The following COL5A2 variants were observed in gnomAD, a reference collection of about 807,000 sequenced individuals.
COL5A2 encodes the protein collagen type V alpha 2 chain.
In COL5A2, 23 loss-of-function variants were observed where a neutral mutation model predicts 208.2. The observed-to-expected ratio is 0.11, with a 90% CI of 0.08 to 0.16. The LOEUF (loss-of-function observed/expected upper bound fraction) is 0.16. Among genes scored for constraint, COL5A2 ranks in the 10% least tolerant of loss-of-function variants. The pLI, the probability that COL5A2 is intolerant of heterozygous loss-of-function variation, is 1.00. For synonymous variants in COL5A2, 625 were observed against 628.5 expected, an observed-to-expected ratio of 0.99 and a Z score of 0.08; for missense variants, 1,590 against 1,956.4, an observed-to-expected ratio of 0.81 and a Z score of 3.53.
At chr2:189,266,936 C>T in the COL5A2 span, among the ~76,000 whole-genome samples, 2 of 151,130 alleles carry the variant, frequency 1.3e-5, no homozygotes, top group Non-Finnish European at 2.9e-5. Flanking sequence ...CATAAAATCT[C>T]TAAAAATATT....
chr2:189,402,769 A>G, the COL5A2 span, among the ~76,000 whole-genome samples: 2 of 149,128 alleles, frequency 1.3e-5, no homozygotes, highest in African/African-American at 5.0e-5. Context: ...TTCTTGTAGC[A>G]GTACCATGCT....
chr2:189,398,417 G>A, the COL5A2 span, among the ~76,000 whole-genome samples: 1 of 152,008 alleles, frequency 6.6e-6, no homozygotes, highest in African/African-American at 2.4e-5. Context: ...TACTGTCAAT[G>A]CTTGCTTTAT....
the COL5A2 span, among the ~76,000 whole-genome samples, chr2:189,420,766 A>T: frequency 6.6e-6 from 1 of 152,098 alleles, no homozygotes; most frequent in Non-Finnish European, 1.5e-5. Flanking sequence ...TCCTGTTCCC[A>T]TCCTCCATCA....
At chr2:189,167,589 A>G (rs974631077) in intron 1 of COL5A2, among the ~76,000 whole-genome samples, 3 of 152,184 alleles carry the variant, frequency 2.0e-5, no homozygotes, top group African/African-American at 7.2e-5. Context: ...AAAGCCACAA[A>G]TAAAAAACTT....
chr2:189,207,939 A>T (rs781747714), intron 1 of COL5A2, among the ~76,000 whole-genome samples: 8 of 152,114 alleles, frequency 5.3e-5, no homozygotes, highest in Non-Finnish European at 1.0e-4. Context: ...CTCAACTTTA[A>T]TTGTTAAAGT....
chr2:189,170,268 C>T (rs955534568), intron 1 of COL5A2, among the ~76,000 whole-genome samples: 2 of 152,010 alleles, frequency 1.3e-5, no homozygotes, highest in Non-Finnish European at 2.9e-5. Flanking sequence ...CTTGAGTGAA[C>T]GAATTGTGGA....
the COL5A2 span, among the ~76,000 whole-genome samples, chr2:189,405,858 T>C: frequency 4.6e-5 from 7 of 152,228 alleles, no homozygotes; most frequent in Non-Finnish European, 7.3e-5. Flanking sequence ...GTAAAACCCA[T>C]GTCAAGACTT....
chr2:189,063,384 C>A, intron 26 of COL5A2, 114 bp from the exon 27 acceptor site: 3 of 882,036 alleles, frequency 3.4e-6, no homozygotes, highest in Non-Finnish European at 5.5e-6. Context: ...AATTATCTTG[C>A]ATTTTCATGT....
At chr2:189,250,119 A>T in the COL5A2 span, among the ~76,000 whole-genome samples, 1 of 152,242 alleles carries the variant, frequency 6.6e-6, no homozygotes, top group Non-Finnish European at 1.5e-5. Context: ...ATATGATAAG[A>T]ATGAACAATA....
At chr2:189,254,781 G>C in the COL5A2 span, among the ~76,000 whole-genome samples, 1 of 152,200 alleles carries the variant, frequency 6.6e-6, no homozygotes, top group Non-Finnish European at 1.5e-5. Flanking sequence ...AGGCATGCCA[G>C]GAAAACTGTG....
chr2:189,355,300 T>C, the COL5A2 span, among the ~76,000 whole-genome samples: 1 of 152,196 alleles, frequency 6.6e-6, no homozygotes, highest in African/African-American at 2.4e-5. Context: ...TTAGTTCTGC[T>C]TGGTCCAGAG....
At chr2:189,407,671 A>G in the COL5A2 span, among the ~76,000 whole-genome samples, 3 of 152,166 alleles carry the variant, frequency 2.0e-5, no homozygotes, top group East Asian at 3.8e-4. Context: ...TCCTCTGTTC[A>G]TGAATCACCT....
At chr2:189,169,329 A>G (rs1688527762) in intron 1 of COL5A2, among the ~76,000 whole-genome samples, 1 of 152,176 alleles carries the variant, frequency 6.6e-6, no homozygotes, top group Admixed American at 6.5e-5. Flanking sequence ...AAGTAAATGT[A>G]TGTGGGGCTG....
the COL5A2 span, among the ~76,000 whole-genome samples, chr2:189,355,816 A>G: frequency 5.9e-5 from 9 of 152,260 alleles, no homozygotes; most frequent in African/African-American, 1.9e-4. Context: ...TGATCCTGTC[A>G]TTATGATGCT....
At chr2:189,311,597 C>T in the COL5A2 span, 7 of 1,146,272 alleles carry the variant, frequency 6.1e-6, no homozygotes, top group Non-Finnish European at 7.6e-6. Flanking sequence ...GTTCTCCAAG[C>T]TGGCCTTCAG....
chr2:189,250,240 C>T, the COL5A2 span, among the ~76,000 whole-genome samples: 4 of 152,332 alleles, frequency 2.6e-5, no homozygotes, highest in East Asian at 5.8e-4. Context: ...GATATATGAA[C>T]TGATTTAATT....
chr2:189,068,717 G>A, intron 19 of COL5A2, 69 bp downstream of exon 19: 1 of 1,112,000 alleles, frequency 9.0e-7, no homozygotes, highest in Non-Finnish European at 1.4e-6. Context: ...AAAATAGGTT[G>A]AATTTGTTCT....
intron 1 of COL5A2, among the ~76,000 whole-genome samples, chr2:189,187,009 T>C (rs757950070): frequency 2.0e-5 from 3 of 152,228 alleles, no homozygotes; most frequent in Non-Finnish European, 2.9e-5. Context: ...GTTTGCATTT[T>C]ACATTTTAGA....
chr2:189,216,692 T>C (rs1298307070), intron 1 of COL5A2, among the ~76,000 whole-genome samples: 1 of 152,114 alleles, frequency 6.6e-6, no homozygotes, highest in African/African-American at 2.4e-5. Flanking sequence ...TGGACATTGC[T>C]ACTTATGAGA....
Sources: gnomAD v4.1 joint callset for allele counts (sites outside exome capture counted in the v4.1 genomes callset) on GRCh38, gnomAD v4.1.1 for gene constraint, MANE v1.5 for transcripts, NCBI Gene and HGNC (gene_info 2026-07-23, HGNC 2026-07-21) for gene names.